The following CAMKMT variants were observed in gnomAD, a reference collection of about 807,000 sequenced individuals.
The protein encoded by CAMKMT is CaM KMT.
Under a neutral mutation model 48.0 loss-of-function variants are expected in CAMKMT, and 53 were observed. That is an observed-to-expected ratio of 1.10 (90% confidence interval 0.89 to 1.39). The LOEUF is 1.39. CAMKMT is among the 40% of genes most tolerant of loss of function. The pLI, the probability that CAMKMT is intolerant of heterozygous loss-of-function variation, is 0.00. For missense variants in CAMKMT, 428 were observed against 402.7 expected, an observed-to-expected ratio of 1.06 and a Z score of -0.54; for synonymous variants, 165 against 152.3, an observed-to-expected ratio of 1.08 and a Z score of -0.61.
chr2:44,757,798 G>A (rs776846361), intron 9 of CAMKMT, among the ~76,000 whole-genome samples: 15 of 152,164 alleles, frequency 9.9e-5, no homozygotes, highest in Non-Finnish European at 2.1e-4. Flanking sequence ...TCCTGACCTC[G>A]TGATCCACCC....
chr2:44,735,687 A>G (rs1679316392), intron 7 of CAMKMT, among the ~76,000 whole-genome samples: 1 of 151,940 alleles, frequency 6.6e-6, no homozygotes, highest in African/African-American at 2.4e-5. Flanking sequence ...GGATCACTTA[A>G]GGCCAAGAGT....
intron 3 of CAMKMT, among the ~76,000 whole-genome samples, chr2:44,539,913 A>C (rs1405969288): frequency 3.3e-5 from 5 of 152,188 alleles, no homozygotes; most frequent in African/African-American, 1.2e-4. Context: ...GATGGCTTCC[A>C]GGTTTTCCAG....
chr2:44,428,635 C>G (rs534575951), intron 3 of CAMKMT, among the ~76,000 whole-genome samples: 9 of 152,248 alleles, frequency 5.9e-5, no homozygotes, highest in Middle Eastern at 3.4e-3. Context: ...TAACATAGTC[C>G]AAGGTTTTTC....
At chr2:44,417,938 A>G (rs1357795039) in intron 3 of CAMKMT, among the ~76,000 whole-genome samples, 2 of 152,300 alleles carry the variant, frequency 1.3e-5, no homozygotes, top group Middle Eastern at 3.4e-3. Flanking sequence ...CATGCCTGTA[A>G]TCCCAGCACT....
At chr2:44,427,612 C>T (rs951943922) in intron 3 of CAMKMT, among the ~76,000 whole-genome samples, 1 of 152,120 alleles carries the variant, frequency 6.6e-6, no homozygotes, top group Non-Finnish European at 1.5e-5. Flanking sequence ...AACCTTAGCA[C>T]CATACAATAT....
intron 3 of CAMKMT, among the ~76,000 whole-genome samples, chr2:44,455,529 C>T (rs2104602947): frequency 6.6e-6 from 1 of 152,246 alleles, no homozygotes; most frequent in East Asian, 1.9e-4. Context: ...GGGATATGGT[C>T]TAATGAAGCA....
intron 3 of CAMKMT, among the ~76,000 whole-genome samples, chr2:44,434,587 G>T (rs1178777707): frequency 6.6e-6 from 1 of 152,166 alleles, no homozygotes; most frequent in Non-Finnish European, 1.5e-5. Context: ...CCTTAGCAAA[G>T]AAGGTAGTGA....
chr2:44,385,138 T>G (rs1281098686), intron 2 of CAMKMT, among the ~76,000 whole-genome samples: 1 of 152,212 alleles, frequency 6.6e-6, no homozygotes, highest in East Asian at 1.9e-4. Context: ...CAATTGTTTG[T>G]GTCGTCTGTG....
At chr2:44,735,067 G>A (rs1315086205) in intron 7 of CAMKMT, among the ~76,000 whole-genome samples, 2 of 152,140 alleles carry the variant, frequency 1.3e-5, no homozygotes, top group Non-Finnish European at 2.9e-5. Flanking sequence ...GAATTGTTAT[G>A]TCTGCTTCTT....
intron 3 of CAMKMT, among the ~76,000 whole-genome samples, chr2:44,675,222 C>A (rs1414856046): frequency 2.0e-5 from 3 of 152,192 alleles, no homozygotes; most frequent in Admixed American, 6.5e-5. Context: ...GCCTCCTCAA[C>A]TTGATGGCTG....
At chr2:44,640,954 C>A (rs142418588) in intron 3 of CAMKMT, among the ~76,000 whole-genome samples, 24 of 152,276 alleles carry the variant, frequency 1.6e-4, no homozygotes, top group African/African-American at 5.8e-4. Flanking sequence ...TAGAAACTGA[C>A]ATAGAGTGAC....
intron 3 of CAMKMT, among the ~76,000 whole-genome samples, chr2:44,447,000 A>G (rs1667038886): frequency 6.6e-6 from 1 of 152,234 alleles, no homozygotes; most frequent in South Asian, 2.1e-4. Flanking sequence ...TATTTAATGT[A>G]ACTCGTATTC....
intron 3 of CAMKMT, among the ~76,000 whole-genome samples, chr2:44,678,134 A>G (rs1374175718): frequency 1.3e-5 from 2 of 152,210 alleles, no homozygotes; most frequent in African/African-American, 4.8e-5. Flanking sequence ...CCGAAAACCC[A>G]TTAGCAACAA....
intron 6 of CAMKMT, among the ~76,000 whole-genome samples, chr2:44,713,074 A>G (rs1386999066): frequency 6.6e-6 from 1 of 152,128 alleles, no homozygotes; most frequent in Non-Finnish European, 1.5e-5. Context: ...GAATTTTTTT[A>G]TTTAAAAAAT....
chr2:44,523,325 C>G (rs527667191), intron 3 of CAMKMT, among the ~76,000 whole-genome samples: 7 of 145,930 alleles, frequency 4.8e-5, no homozygotes, highest in South Asian at 2.2e-4. Context: ...CAGAGTCTCA[C>G]TCTGTCGCCC....
chr2:44,497,851 G>A (rs951290285), intron 3 of CAMKMT, among the ~76,000 whole-genome samples: 6 of 151,966 alleles, frequency 3.9e-5, no homozygotes, highest in African/African-American at 7.2e-5. Context: ...GACACCTGCC[G>A]GGCATCGGGG....
In CAMKMT at chr2:44,665,142, C is replaced by G. The variant is rs1674892533; in HGVS notation, c.377-39141C>G. ...CTGGAGTGCAGTGGTGCGATCTCGG[C>G]TCACTGCAACCTCTGCCTCCCGGGT... On this transcript the variant is annotated intron_variant, in intron 3 of 10. Transcript: ENST00000378494. 3.3e-5 allele frequency among the ~76,000 whole-genome samples: 5 copies of G among 152,272 alleles called. No individual in the cohort carries two copies. The South Asian group carries it at 1.0e-3, about 32-fold the overall frequency.
intron 3 of CAMKMT, among the ~76,000 whole-genome samples, chr2:44,631,906 A>T (rs1386573376): frequency 1.3e-5 from 2 of 152,036 alleles, no homozygotes; most frequent in Non-Finnish European, 2.9e-5. Flanking sequence ...TATAACTTTA[A>T]TTTATATTCA....
At chr2:44,715,483 C>CTGT in intron 7 of CAMKMT, 130 bp downstream of exon 7, 4 of 651,932 alleles carry the variant, frequency 6.1e-6, no homozygotes, top group Non-Finnish European at 5.4e-6. Flanking sequence ...GTTTTAAGCA[C>CTGT]TTTACAAGTA....
Sources: allele counts gnomAD v4.1 joint callset (sites outside exome capture counted in the v4.1 genomes callset), GRCh38; gene constraint gnomAD v4.1.1; transcripts MANE v1.5; gene names NCBI Gene and HGNC (gene_info 2026-07-23, HGNC 2026-07-21).